Variants in DOCK8 observed in about 807,000 individuals in gnomAD.
DOCK8 encodes dedicator of cytokinesis protein 8.
In DOCK8, 141 loss-of-function variants were observed where a neutral mutation model predicts 245.6. The observed-to-expected ratio is 0.57, with a 90% CI of 0.50 to 0.66. DOCK8 has a LOEUF of 0.66. DOCK8 is among the 30% of genes least tolerant of loss of function. The pLI, the probability that DOCK8 is intolerant of heterozygous loss-of-function variation, is 0.00. For missense variants in DOCK8, 2,965 were observed against 2,603.4 expected, an observed-to-expected ratio of 1.14 and a Z score of -3.02; for synonymous variants, 1,168 against 970.2, an observed-to-expected ratio of 1.20 and a Z score of -3.79.
intron 14 of DOCK8, among the ~76,000 whole-genome samples, chr9:351,207 C>CT (rs1387429827): frequency 1.3e-5 from 2 of 152,308 alleles, no homozygotes; most frequent in East Asian, 3.9e-4. Flanking sequence ...AAGTAGGTAA[C>CT]TGGGGAACGC....
intron 9 of DOCK8, among the ~76,000 whole-genome samples, chr9:331,578 C>T (rs2051017130): frequency 6.6e-6 from 1 of 152,152 alleles, no homozygotes; most frequent in South Asian, 2.1e-4. Flanking sequence ...GGGACTAAAT[C>T]CACTGGTTTT....
chr9:222,212 A>G (rs1021889639), intron 1 of DOCK8, among the ~76,000 whole-genome samples: 3 of 151,880 alleles, frequency 2.0e-5, no homozygotes, highest in African/African-American at 7.3e-5. Flanking sequence ...GCAGTGAGCT[A>G]TGATTGCGCC....
chr9:289,230 T>C (rs1410840109), intron 3 of DOCK8, among the ~76,000 whole-genome samples: 4 of 152,246 alleles, frequency 2.6e-5, no homozygotes, highest in Non-Finnish European at 4.4e-5. Context: ...TCTACCTGTC[T>C]TGTGTCTGAA....
chr9:381,729 G>A (rs1185098259), intron 21 of DOCK8, among the ~76,000 whole-genome samples: 1 of 152,172 alleles, frequency 6.6e-6, no homozygotes, highest in Non-Finnish European at 1.5e-5. Context: ...GGAGGCCAAG[G>A]TGAGCAGATC....
chr9:370,077 A>G, intron 15 of DOCK8, 153 bp from the exon 16 acceptor site: 1 of 701,906 alleles, frequency 1.4e-6, no homozygotes, highest in Non-Finnish European at 2.6e-6. Flanking sequence ...TGCTGAGATT[A>G]CAGGTGTGAG....
intron 26 of DOCK8, among the ~76,000 whole-genome samples, chr9:403,996 A>ATG (rs1158346764): frequency 8.2e-6 from 1 of 121,958 alleles, no homozygotes; most frequent in African/African-American, 3.8e-5. Flanking sequence ...ATATATGTGT[A>ATG]TATATATATA....
chr9:273,077 C>A, intron 2 of DOCK8: 1 of 985,376 alleles, frequency 1.0e-6, no homozygotes, highest in Non-Finnish European at 1.2e-6. Flanking sequence ...ATTTACGCGC[C>A]GTGTAACTGT....
At chr9:410,754 A>G (rs1475438467) in intron 28 of DOCK8, among the ~76,000 whole-genome samples, 1 of 152,222 alleles carries the variant, frequency 6.6e-6, no homozygotes, top group Admixed American at 6.5e-5. Flanking sequence ...GAATAGAAAA[A>G]CAATCACGGA....
At chr9:449,570 A>G (rs1381810975) in intron 44 of DOCK8, among the ~76,000 whole-genome samples, 1 of 152,200 alleles carries the variant, frequency 6.6e-6, no homozygotes. Flanking sequence ...AGAGGAATAA[A>G]TGCTAAATGT....
chr9:411,652 A>G (rs2055736404), intron 28 of DOCK8, among the ~76,000 whole-genome samples: 1 of 152,144 alleles, frequency 6.6e-6, no homozygotes, highest in African/African-American at 2.4e-5. Flanking sequence ...TGAGAAAACT[A>G]CAGGCCAGTA....
In DOCK8 at chr9:372,284, G is replaced by A. The variant is rs769519063; in HGVS notation, c.2107G>A (p.Glu703Lys). The A allele has an allele frequency of 7.4e-6, 12 of 1,612,896 alleles. No homozygotes were observed. The highest frequency in any genetic ancestry group is 9.3e-6 in the Non-Finnish European group (11 of 1,179,120). Residue 703 changes from glutamate to lysine, a missense_variant and splice_region_variant, in exon 18 of 48, where the codon GAG (glutamate) becomes AAG (lysine). By Grantham distance (56) the Glu-to-Lys change is moderately conservative. Transcript: ENST00000432829. The part of the protein sequence containing the change: ...LPPNYSMHSA[E>K]KVPLQNPPIK... The stretch of plus-strand genomic sequence containing the variant: ...ACCCAACTACTCCATGCATTCTGCT[G>A]AGGTAATTGGCAAGCTGGCCATCAG...
Position 432,156 on chromosome 9 carries a change from A to G in DOCK8, c.4627-10A>G. 4 of 1,589,594 alleles carry G rather than the reference A, an allele frequency of 2.5e-6. No individual in the cohort carries two copies. Among genetic ancestry groups the G allele is most frequent in the Non-Finnish European group, 3.4e-6 (4 of 1,171,566 alleles). On this transcript the variant is annotated splice_polypyrimidine_tract_variant and intron_variant, in intron 36 of 47. Coordinates refer to ENST00000432829, the MANE Select transcript of DOCK8 (RefSeq NM_203447.4). ...TTACTTCATCTTTTTTTTTTTTTTCACTGATGCAGAATTTTGCAAGAGTAA... is the reference window on the plus strand; with the variant it reads ...TTACTTCATCTTTTTTTTTTTTTTCGCTGATGCAGAATTTTGCAAGAGTAA...
At chr9:263,564 C>T (rs1354366434) in intron 1 of DOCK8, among the ~76,000 whole-genome samples, 1 of 152,134 alleles carries the variant, frequency 6.6e-6, no homozygotes, top group Non-Finnish European at 1.5e-5. Flanking sequence ...GCTTTCAGCA[C>T]TTCTGTGTTT....
At chr9:400,803 CCACCATCACCACCACCTCCACCAT>C (rs1564015498) in intron 26 of DOCK8, among the ~76,000 whole-genome samples, 2 of 92,470 alleles carry the variant, frequency 2.2e-5, no homozygotes, top group Non-Finnish European at 4.1e-5. Flanking sequence ...ACCACCACCT[CCACCATCACCACCACCTCCACCAT>C]CACCATCACC....
intron 12 of DOCK8, 95 bp downstream of exon 12, chr9:336,813 A>C (rs1464364285): frequency 3.4e-6 from 5 of 1,456,082 alleles, no homozygotes; most frequent in Non-Finnish European, 4.8e-6. Context: ...TTAAGAGAGC[A>C]AATTAGTTAA....
intron 1 of DOCK8, among the ~76,000 whole-genome samples, chr9:248,339 T>C (rs2047557468): frequency 6.6e-6 from 1 of 152,226 alleles, no homozygotes; most frequent in African/African-American, 2.4e-5. Context: ...GCCTGACTCA[T>C]TACCAATTTT....
chr9:415,295 A>T (rs1479928276), intron 29 of DOCK8, among the ~76,000 whole-genome samples: 1 of 152,150 alleles, frequency 6.6e-6, no homozygotes, highest in Non-Finnish European at 1.5e-5. Flanking sequence ...GTGCTCTAAC[A>T]CCTTGAAATA....
At chr9:213,413 T>C (rs1206023089), upstream of DOCK8, 1 of 152,212 alleles carries the variant, frequency 6.6e-6, no homozygotes, top group Non-Finnish European at 1.5e-5. Context: ...CTCACAAATG[T>C]GAGCCACATG....
At chr9:421,976 G>A in intron 32 of DOCK8, 72 bp from the exon 33 acceptor site, 1 of 1,324,036 alleles carries the variant, frequency 7.6e-7, no homozygotes, top group African/African-American at 1.5e-5. Context: ...AGTTGAGCTT[G>A]TTATGAACTT....
Sources: gnomAD v4.1 joint callset for allele counts (sites outside exome capture counted in the v4.1 genomes callset) on GRCh38, gnomAD v4.1.1 for gene constraint, MANE v1.5 for transcripts, NCBI Gene and HGNC (gene_info 2026-07-23, HGNC 2026-07-21) for gene names.